The following TBCD variants were observed in gnomAD, a reference collection of about 807,000 sequenced individuals.
The protein encoded by TBCD is tubulin folding cofactor D, also known as tubulin-specific chaperone D.
In TBCD, 105 loss-of-function variants were observed where a neutral mutation model predicts 169.3. The observed-to-expected ratio is 0.62, with a 90% CI of 0.53 to 0.73. The LOEUF is 0.73. Among genes scored for constraint, TBCD ranks in the 30% least tolerant of loss-of-function variants. The pLI, the probability that TBCD is intolerant of heterozygous loss-of-function variation, is 0.00. For missense variants in TBCD, 1,444 were observed against 1,600.1 expected, an observed-to-expected ratio of 0.90 and a Z score of 1.66; for synonymous variants, 700 against 643.9, an observed-to-expected ratio of 1.09 and a Z score of -1.32.
At chr17:82,854,939 C>T (rs1228339826) in intron 13 of TBCD, among the ~76,000 whole-genome samples, 1 of 152,200 alleles carries the variant, frequency 6.6e-6, no homozygotes, top group African/African-American at 2.4e-5. Context: ...GTCCTTGGGA[C>T]TCATCATCTA....
At chr17:82,931,669 G>C (rs1005656121) in intron 33 of TBCD, among the ~76,000 whole-genome samples, 1 of 152,230 alleles carries the variant, frequency 6.6e-6, no homozygotes, top group Admixed American at 6.5e-5. Context: ...CTGTGGGTAG[G>C]TGTGCACAGC....
intron 34 of TBCD, among the ~76,000 whole-genome samples, chr17:82,935,686 C>T (rs936313572): frequency 6.6e-6 from 1 of 152,176 alleles, no homozygotes; most frequent in Non-Finnish European, 1.5e-5. Flanking sequence ...GTGTTGGTTC[C>T]GCGTGCTTCC....
At position 82,903,731 on chromosome 17, in the gene TBCD, G is replaced by A. The variant is rs970424301; in HGVS notation, c.1804+253G>A. Among the ~76,000 whole-genome samples the A allele has an allele frequency of 1.3e-5, 2 of 152,196 alleles. No homozygotes were observed. The highest frequency in any genetic ancestry group is 4.8e-5 in the African/African-American group (2 of 41,436). On this transcript the variant is annotated intron_variant, in intron 19 of 38. Transcript: ENST00000355528. The surrounding 1 kb of genome is among the most constrained non-coding windows in gnomAD (Gnocchi z 4.8). ...GGAGCCCGTGATGGTCCCGCCGGAT[G>A]CCTGACATGCAGTGCTGCTTCCCTG...
intron 6 of TBCD, among the ~76,000 whole-genome samples, chr17:82,780,234 C>G (rs2048854959): frequency 6.6e-6 from 1 of 152,186 alleles, no homozygotes; most frequent in Non-Finnish European, 1.5e-5. Flanking sequence ...TTGCAGCCCC[C>G]CTCGTTGAGC....
intron 38 of TBCD, 155 bp from the exon 39 acceptor site, chr17:82,942,294 A>G: frequency 9.5e-7 from 1 of 1,054,304 alleles, no homozygotes; most frequent in Non-Finnish European, 1.4e-6. Context: ...TCAGCCACAT[A>G]GCTCAGGCTG....
At chr17:82,838,539 A>C in intron 13 of TBCD, 1 of 584,078 alleles carries the variant, frequency 1.7e-6, no homozygotes, top group Non-Finnish European at 2.2e-6. Context: ...TGCTGTAATT[A>C]CAATATTGTG....
At chr17:82,836,687 CAA>C (rs559997152) in intron 13 of TBCD, among the ~76,000 whole-genome samples, 4 of 116,882 alleles carry the variant, frequency 3.4e-5, no homozygotes, top group African/African-American at 3.2e-5. Context: ...TACTTTTAGG[CAA>C]AAAAAAAAAC....
chr17:82,907,861 A>C, intron 21 of TBCD, 40 bp downstream of exon 21: 1 of 1,600,100 alleles, frequency 6.2e-7, no homozygotes, highest in Admixed American at 1.7e-5. Context: ...AGGAGGCATC[A>C]CAGGACCTGC....
intron 2 of TBCD, among the ~76,000 whole-genome samples, chr17:82,760,754 A>G (rs1176231555): frequency 6.6e-6 from 1 of 152,212 alleles, no homozygotes; most frequent in Non-Finnish European, 1.5e-5. Flanking sequence ...CATTTTCATC[A>G]TCTGAAGCAA....
chr17:82,941,534 G>A, intron 38 of TBCD, 51 bp downstream of exon 38: 7 of 1,489,950 alleles, frequency 4.7e-6, no homozygotes, highest in Non-Finnish European at 6.4e-6. Flanking sequence ...CCTGAGCTCT[G>A]GAATGTTCTG....
At chr17:82,780,257 G>T (rs548256773) in intron 6 of TBCD, among the ~76,000 whole-genome samples, 5 of 152,234 alleles carry the variant, frequency 3.3e-5, no homozygotes, top group African/African-American at 7.2e-5. Flanking sequence ...CGTGGCTTCC[G>T]TCCTCTCTCT....
At chr17:82,784,512 C>T (rs1253122714) in intron 7 of TBCD, among the ~76,000 whole-genome samples, 3 of 152,184 alleles carry the variant, frequency 2.0e-5, no homozygotes, top group Non-Finnish European at 4.4e-5. Context: ...CCCACTGTGC[C>T]ATTGGTCCAT....
chr17:82,888,026 T>C (rs917558191), intron 15 of TBCD, among the ~76,000 whole-genome samples: 8 of 152,254 alleles, frequency 5.3e-5, no homozygotes, highest in African/African-American at 1.9e-4. Context: ...TCTCCCAGTC[T>C]GTAGCTCATC....
intron 31 of TBCD, 28 bp downstream of exon 31, chr17:82,929,299 C>G (rs751813058): frequency 1.2e-6 from 2 of 1,611,406 alleles, no homozygotes; most frequent in Non-Finnish European, 8.5e-7. Context: ...GCCCCCCGTG[C>G]TGGCCCCGCA....
chr17:82,844,576 C>G (rs951444122), intron 13 of TBCD, among the ~76,000 whole-genome samples: 18 of 152,090 alleles, frequency 1.2e-4, no homozygotes, highest in African/African-American at 3.6e-4. Flanking sequence ...GGCTGGGCTT[C>G]TTGGTCTGAG....
Position 82,820,197 on chromosome 17 carries a change from C to T in TBCD, c.1318+5263C>T, listed in dbSNP as rs574467091. Among the ~76,000 whole-genome samples, 28 of 152,222 alleles carry T rather than the reference C, an allele frequency of 1.8e-4. No homozygotes were observed. In the East Asian group the frequency reaches 1.9e-3, roughly 10 times the overall value. On this transcript the variant is annotated intron_variant, in intron 13 of 38. Coordinates refer to ENST00000355528, the MANE Select transcript of TBCD (RefSeq NM_005993.5). Reference sequence around the variant, plus strand: ...TTCTCCATGTTGGCCAGGCTGGTCTCGAACTCCTGACCTCAAGTGATCTGC... The same window carrying T: ...TTCTCCATGTTGGCCAGGCTGGTCTTGAACTCCTGACCTCAAGTGATCTGC...
At chr17:82,797,173 C>T (rs1006102250) in intron 7 of TBCD, among the ~76,000 whole-genome samples, 4 of 152,164 alleles carry the variant, frequency 2.6e-5, no homozygotes, top group African/African-American at 9.7e-5. Context: ...AGGGCTAGAA[C>T]CAGTGTTTGA....
chr17:82,924,361 G>T (rs1327761460), intron 26 of TBCD, among the ~76,000 whole-genome samples: 2 of 152,198 alleles, frequency 1.3e-5, no homozygotes, highest in Non-Finnish European at 2.9e-5. Context: ...CATTAGGCTG[G>T]CTTTACGCCG....
At chr17:82,770,737 C>T (rs564476196) in intron 5 of TBCD, among the ~76,000 whole-genome samples, 18 of 149,340 alleles carry the variant, frequency 1.2e-4, no homozygotes, top group South Asian at 6.4e-4. Context: ...CCCCGGAGGC[C>T]GGGCACGGTG....
Sources: allele counts gnomAD v4.1 joint callset (sites outside exome capture counted in the v4.1 genomes callset), GRCh38; gene constraint gnomAD v4.1.1; non-coding constraint Gnocchi (gnomAD v3.1); transcripts MANE v1.5; gene names NCBI Gene and HGNC (gene_info 2026-07-23, HGNC 2026-07-21).